The following WHR1 variants were observed in gnomAD, a reference collection of about 807,000 sequenced individuals.
The protein encoded by WHR1 is winged helix repair factor 1.
chr6:31,980,038 G>T, the WHR1 span: 1 of 234,370 alleles, frequency 4.3e-6, no homozygotes, highest in African/African-American at 2.3e-5. Context: ...CTATAGCACT[G>T]ATCTCACATG....
At chr6:31,978,637 C>G in the WHR1 span, among the ~76,000 whole-genome samples, 1 of 152,188 alleles carries the variant, frequency 6.6e-6, no homozygotes, top group African/African-American at 2.4e-5. Flanking sequence ...GCATCTTAAT[C>G]ACTATTTTAT....
At chr6:31,974,975 A>G in the WHR1 span, among the ~76,000 whole-genome samples, 1 of 152,202 alleles carries the variant, frequency 6.6e-6, no homozygotes, top group African/African-American at 2.4e-5. Context: ...ATTTTAATGT[A>G]TTGGTGTTAG....
the WHR1 span, chr6:31,979,720 A>G: frequency 1.2e-6 from 1 of 845,496 alleles, no homozygotes; most frequent in South Asian, 1.8e-5. Flanking sequence ...CCTCCCCACA[A>G]GAGAGGAGGC....
the WHR1 span, among the ~76,000 whole-genome samples, chr6:31,976,670 C>A: frequency 1.3e-5 from 2 of 152,236 alleles, no homozygotes; most frequent in African/African-American, 4.8e-5. Context: ...GCACTCTGGG[C>A]ACTTTGGGAG....
the WHR1 span, chr6:31,973,048 C>T: frequency 6.0e-6 from 4 of 667,770 alleles, no homozygotes; most frequent in Non-Finnish European, 1.1e-5. Context: ...AGGCCTTGTA[C>T]ATCAGTGTTG....
the WHR1 span, chr6:31,979,998 C>A: frequency 4.9e-6 from 1 of 205,836 alleles, no homozygotes; most frequent in Admixed American, 5.2e-5. Flanking sequence ...TACTTTGTAA[C>A]CCATGGAATA....
At chr6:31,972,597 C>G in the WHR1 span, 1 of 1,600,246 alleles carries the variant, frequency 6.2e-7, no homozygotes, top group Admixed American at 1.7e-5. The surrounding 1 kb of genome is among the most constrained non-coding windows in gnomAD (Gnocchi z 6.3). Context: ...AGTTCCCTGT[C>G]CGTGAGCCGA....
the WHR1 span, among the ~76,000 whole-genome samples, chr6:31,975,695 G>A: frequency 6.8e-6 from 1 of 145,992 alleles, no homozygotes; most frequent in Admixed American, 6.9e-5. Context: ...ACACAGACAC[G>A]GCAACCATCC....
At chr6:31,974,652 G>C in the WHR1 span, among the ~76,000 whole-genome samples, 2 of 152,208 alleles carry the variant, frequency 1.3e-5, no homozygotes, top group African/African-American at 4.8e-5. Context: ...TAGCTGTTTG[G>C]GAAGTTGAGG....
the WHR1 span, chr6:31,972,385 T>C: frequency 1.2e-6 from 2 of 1,612,984 alleles, no homozygotes; most frequent in Non-Finnish European, 1.7e-6. This position sits in a 1 kb window ranked among gnomAD's most constrained non-coding sequence, Gnocchi z 6.3. Context: ...TTCCTACCCC[T>C]TCCCCGGTAC....
the WHR1 span, chr6:31,971,946 T>G: frequency 3.9e-6 from 6 of 1,555,686 alleles, no homozygotes; most frequent in Admixed American, 1.1e-4. This position sits in a 1 kb window ranked among gnomAD's most constrained non-coding sequence, Gnocchi z 4.5. Context: ...CTCCCCAACT[T>G]CCACCTCCGC....
chr6:31,972,148 G>C, the WHR1 span: 1 of 1,612,936 alleles, frequency 6.2e-7, no homozygotes, highest in Non-Finnish European at 8.5e-7. This position sits in a 1 kb window ranked among gnomAD's most constrained non-coding sequence, Gnocchi z 6.3. Flanking sequence ...CGAGTCCCCG[G>C]GCGTGCGTGC....
chr6:31,978,742 C>A, the WHR1 span, among the ~76,000 whole-genome samples: 6 of 152,204 alleles, frequency 3.9e-5, no homozygotes, highest in African/African-American at 1.4e-4. Flanking sequence ...GAAAAGGCTG[C>A]TTGGTCATTT....
At chr6:31,976,482 G>A in the WHR1 span, among the ~76,000 whole-genome samples, 1 of 151,738 alleles carries the variant, frequency 6.6e-6, no homozygotes, top group Non-Finnish European at 1.5e-5. Context: ...CATCTCAGAC[G>A]ATGAGCGGCC....
the WHR1 span, chr6:31,979,650 GC>G: frequency 6.7e-7 from 1 of 1,498,400 alleles, no homozygotes; most frequent in Non-Finnish European, 9.0e-7. Flanking sequence ...TGGTGAACCT[GC>G]CAGAAAAGCT....
the WHR1 span, chr6:31,972,103 C>G: frequency 1.9e-6 from 3 of 1,613,128 alleles, no homozygotes; most frequent in Non-Finnish European, 2.5e-6. The surrounding 1 kb of genome is among the most constrained non-coding windows in gnomAD (Gnocchi z 6.3). Flanking sequence ...GAGGTTGACA[C>G]CAACGTGGCC....
chr6:31,979,507 C>T, the WHR1 span: 2 of 1,612,950 alleles, frequency 1.2e-6, no homozygotes, highest in African/African-American at 1.3e-5. Flanking sequence ...TAGTTTCCAG[C>T]AGGACCAAAT....
At chr6:31,972,244 G>A in the WHR1 span, 1 of 1,613,106 alleles carries the variant, frequency 6.2e-7, no homozygotes, top group Non-Finnish European at 8.5e-7. This position sits in a 1 kb window ranked among gnomAD's most constrained non-coding sequence, Gnocchi z 6.3. Flanking sequence ...GCCCCTCCCA[G>A]CACTGACGGG....
chr6:31,975,117 C>T, the WHR1 span, among the ~76,000 whole-genome samples: 2 of 152,058 alleles, frequency 1.3e-5, no homozygotes, highest in Non-Finnish European at 2.9e-5. Context: ...CAGTATCCCA[C>T]ATATATCCCT....
Sources: gnomAD v4.1 joint callset for allele counts (sites outside exome capture counted in the v4.1 genomes callset) on GRCh38, gnomAD v4.1.1 for gene constraint, Gnocchi (gnomAD v3.1) non-coding constraint, MANE v1.5 for transcripts, NCBI Gene and HGNC (gene_info 2026-07-23, HGNC 2026-07-21) for gene names.